HAS1: variants seen among roughly 807,000 people sequenced by gnomAD.
HAS1 encodes HA synthase 1.
A neutral mutation model predicts 35.0 loss-of-function variants in HAS1; 27 were observed. The ratio of observed to expected loss-of-function variants is 0.77; its 90% CI spans 0.57 to 1.06. The LOEUF (loss-of-function observed/expected upper bound fraction) is 1.06. Among genes scored for constraint, HAS1 ranks in the 50% least tolerant of loss-of-function variants. The probability of loss-of-function intolerance (pLI) is 0.00; values close to 1 mark genes in which losing one functional copy is unlikely to be tolerated. For synonymous variants in HAS1, 409 were observed against 371.2 expected (o/e 1.10, Z -1.17); for missense variants, 940 against 814.8 (o/e 1.15, Z -1.87).
At position 51,716,393 on chromosome 19, in the gene HAS1, G is replaced by A. The variant is rs753665436; in HGVS notation, c.926-5C>T. The A allele has an allele frequency of 1.2e-6, 2 of 1,607,670 alleles. No homozygotes were observed. The highest frequency in any genetic ancestry group is 2.2e-5 in the South Asian group (2 of 90,364). On this transcript the variant is annotated splice_polypyrimidine_tract_variant and splice_region_variant and intron_variant, in intron 3 of 4. Transcript: ENST00000540069. ...AGAGGTTATTCCTATATAGGCCTGG[G>A]TGGAGGGGAGGTGTGAAAGAGTGTC... is the stretch of plus-strand genomic sequence containing the variant.
At position 51,716,324 on chromosome 19, in the gene HAS1, A is replaced by T; in HGVS notation, c.990T>A (p.Gly330=). ...LEAWYNQKFL[G]THCTFGDDRH... ...GGTCATCCCCAAAAGTACAGTGGGT[A>T]CCCAGGAACTTCTGGTTGTACCAGG... Residue 330 remains glycine (G), a synonymous_variant, in exon 4 of 5, where the codon GGT becomes GGA. Transcript: ENST00000540069. 6.2e-7 allele frequency: 1 copy of T among 1,613,606 alleles called. No individual in the cohort carries two copies. The highest frequency in any genetic ancestry group is 8.5e-7 in the Non-Finnish European group (1 of 1,179,558).
chr19:51,713,875 G>GCAGCA lies in HAS1; in HGVS notation c.1285_1286insTGCTG (p.Ala429ValfsTer53). On this transcript the variant is annotated frameshift_variant, in exon 5 of 5. Coordinates refer to ENST00000540069, the MANE Select transcript of HAS1 (RefSeq NM_001297436.2). LOFTEE classifies it low-confidence loss of function (END_TRUNC). The surrounding 1 kb of genome is among the most constrained non-coding windows in gnomAD (Gnocchi z 4.5). ...CACGCACAGCAGCACCCACAGCAGC[G>GCAGCA]CCCAAGGGCGGCCCGCGTAGAACAG... 1 of 1,606,168 alleles carries GCAGCA rather than the reference G, an allele frequency of 6.2e-7. No individual in the cohort carries two copies. Among genetic ancestry groups the GCAGCA allele is most frequent in the Non-Finnish European group, 8.5e-7 (1 of 1,179,690 alleles).
chr19:51,719,529 G>T lies in HAS1; in HGVS notation c.376C>A (p.Arg126=), dbSNP rs1486189454. 6.5e-7 allele frequency: 1 copy of T among 1,548,152 alleles called. No homozygotes were observed. Among genetic ancestry groups the T allele is most frequent in the African/African-American group, 1.4e-5 (1 of 72,740 alleles). The part of the protein sequence containing the change: ...SARALLYPRA[R]LRVLMVVDGN... ...TCCACCACCATGAGGACGCGCAGCC[G>T]CGCGCGCGGGTACAGCAGGGCGCGG... The change falls in exon 2 of 5, where the codon CGG becomes AGG. Residue 126 remains arginine, a synonymous_variant. Transcript: ENST00000540069.
Position 51,719,293 on chromosome 19 carries a change from G to T in HAS1, c.612C>A (p.Cys204Ter). 1 of 1,611,816 alleles carries T rather than the reference G, an allele frequency of 6.2e-7. No homozygotes were observed. The highest frequency in any genetic ancestry group is 8.5e-7 in the Non-Finnish European group (1 of 1,179,256). ...AVEALVRTRR[C>*]VCVAQRWGGK... The stretch of plus-strand genomic sequence containing the variant: ...CGCCCCAGCGCTGCGCCACGCACAC[G>T]CACCTGCGAGTCCTCACCAGCGCCT... The change falls in exon 2 of 5, where the codon TGC becomes TGA. Residue 204 changes from cysteine (C) to a stop codon, truncating the protein, a stop_gained. Transcript: ENST00000540069. LOFTEE classifies it high-confidence loss of function.
rs1446843667 is a variant in HAS1 at position 51,723,888 on chromosome 19, CA to C, written c.9+36del. The C allele has an allele frequency of 3.4e-6, 4 of 1,161,668 alleles. No individual in the cohort carries two copies. In the African/African-American group the frequency reaches 4.9e-5, roughly 14 times the overall value. The allele number at this position is 1,161,668 out of a possible 1,614,324, so 72.0% of individuals were successfully genotyped here. A position where few individuals can be genotyped will look rare whatever the true frequency, so the allele number is the denominator to read the frequency against. ...AGTTTTCCCCACATGGCTGTATACA[CA>C]CACACACACACACACACACACACAC... On this transcript the variant is annotated intron_variant, in intron 1 of 4. Transcript: ENST00000540069.
Position 51,719,453 on chromosome 19 carries a change from A to C in HAS1, c.452T>G (p.Phe151Cys). The part of the protein sequence containing the change: ...LYMVDMFREV[F>C]ADEDPATYVW... ...GTACGTGGCGGGGTCCTCGTCAGCG[A>C]AGACCTCGCGGAACATGTCGACCAT... Residue 151 changes from phenylalanine (F) to cysteine (C), a missense_variant, in exon 2 of 5, where the codon TTC becomes TGC. Phe to Cys is a radical substitution (Grantham distance 205). Transcript: ENST00000540069. 1.3e-6 allele frequency: 2 copies of C among 1,551,858 alleles called. No homozygotes were observed. Among genetic ancestry groups the C allele is most frequent in the Non-Finnish European group, 1.7e-6 (2 of 1,147,096 alleles).
At position 51,713,971 on chromosome 19, in the gene HAS1, TG is replaced by T. The variant is rs1220544787; in HGVS notation, c.1189del (p.His397MetfsTer4). On this transcript the variant is annotated frameshift_variant, in exon 5 of 5. Transcript: ENST00000540069. LOFTEE classifies it low-confidence loss of function (END_TRUNC). The surrounding 1 kb of genome is among the most constrained non-coding windows in gnomAD (Gnocchi z 4.5). ...LYNALWWHRHHAWMTYEAVVS... is the reference protein window; with the variant it reads ...LYNALWWHRHXAWMTYEAVVS... Reference sequence around the variant, plus strand: ...CACCGCCTCGTAGGTCATCCACGCATGGTGCCGGTGCCACCAGAGCGCGTTG... The same window carrying T: ...CACCGCCTCGTAGGTCATCCACGCATGTGCCGGTGCCACCAGAGCGCGTTG... 6.2e-7 allele frequency: 1 copy of T among 1,613,234 alleles called. No homozygotes were observed. Among genetic ancestry groups the T allele is most frequent in the Non-Finnish European group, 8.5e-7 (1 of 1,180,014 alleles).
intron 2 of HAS1, 53 bp from the exon 3 acceptor site, chr19:51,717,246 CTTGAG>C: frequency 2.4e-6 from 3 of 1,264,930 alleles, no homozygotes; most frequent in Non-Finnish European, 3.4e-6. Context: ...CAGGCTGATG[CTTGAG>C]AGGAAGGCAT....
At chr19:51,717,734 C>T (rs557167455) in intron 2 of HAS1, among the ~76,000 whole-genome samples, 3 of 152,216 alleles carry the variant, frequency 2.0e-5, no homozygotes, top group South Asian at 4.1e-4. Context: ...CAAATACATA[C>T]GCTTGAAAGA....
At chr19:51,717,307 T>C (rs2083594399) in intron 2 of HAS1, 114 bp from the exon 3 acceptor site, 1 of 663,110 alleles carries the variant, frequency 1.5e-6, no homozygotes, top group South Asian at 1.8e-5. Flanking sequence ...GATCTGAACA[T>C]AATTTTGAGA....
At position 51,719,856 on chromosome 19, in the gene HAS1, C is replaced by T. The variant is rs1188555928; in HGVS notation, c.49G>A (p.Gly17Ser). 1.9e-6 allele frequency: 3 copies of T among 1,546,540 alleles called. No homozygotes were observed. The highest frequency in any genetic ancestry group is 2.6e-6 in the Non-Finnish European group (3 of 1,149,928). Residue 17 changes from glycine to serine, a missense_variant, in exon 2 of 5, where the codon GGC becomes AGC. Coordinates refer to ENST00000540069, the MANE Select transcript of HAS1 (RefSeq NM_001297436.2). ...ATGGTCAGCACCCTCCGGGCCAGGC[C>T]GGAGCAGCGGCAGGCTGCAGGAGTG... ...KPTPAACRCS[G>S]LARRVLTIAF...
intron 4 of HAS1, among the ~76,000 whole-genome samples, chr19:51,715,352 G>A (rs939278872): frequency 2.0e-5 from 3 of 151,894 alleles, no homozygotes; most frequent in East Asian, 1.9e-4. Context: ...TACTCCCCCA[G>A]TTCAGTGCTC....
intron 3 of HAS1, 75 bp from the exon 4 acceptor site, chr19:51,716,463 C>T: frequency 1.5e-6 from 2 of 1,322,544 alleles, no homozygotes; most frequent in Non-Finnish European, 1.0e-6. Flanking sequence ...GTTTCCAGCC[C>T]CAACCCCATC....
Position 51,719,583 on chromosome 19 carries a change from C to T in HAS1, c.322G>A (p.Ala108Thr), listed in dbSNP as rs906603323. 30 of 1,543,436 alleles carry T rather than the reference C, an allele frequency of 1.9e-5. No individual in the cohort carries two copies. The highest frequency in any genetic ancestry group is 2.4e-5 in the Non-Finnish European group (27 of 1,143,988). Residue 108 changes from alanine to threonine, a missense_variant, in exon 2 of 5, where the codon GCG becomes ACG. Coordinates refer to ENST00000540069, the MANE Select transcript of HAS1 (RefSeq NM_001297436.2). The part of the protein sequence containing the change: ...LTISAYQEDP[A>T]YLRQCLASAR... ...GACGCCAGGCACTGGCGCAGGTACG[C>T]GGGGTCCTCCTGGTAGGCGGAGATG... is the stretch of plus-strand genomic sequence containing the variant.
rs994916835 is a variant in HAS1, at chr19:51,713,898, C to T, written c.1263G>A (p.Leu421=). The part of the protein sequence containing the change: ...PFFVAATVLR[L]FYAGRPWALL... Reference sequence around the variant, plus strand: ...GCGCCCAAGGGCGGCCCGCGTAGAACAGACGCAGCACAGTGGCCGCCACGA... The same window carrying T: ...GCGCCCAAGGGCGGCCCGCGTAGAATAGACGCAGCACAGTGGCCGCCACGA... Residue 421 remains leucine (L), a synonymous_variant, in exon 5 of 5, where the codon CTG becomes CTA. Coordinates refer to ENST00000540069, the MANE Select transcript of HAS1 (RefSeq NM_001297436.2). The surrounding 1 kb of genome is among the most constrained non-coding windows in gnomAD (Gnocchi z 4.5). The T allele has an allele frequency of 1.2e-6, 2 of 1,606,968 alleles. No individual in the cohort carries two copies. Among genetic ancestry groups the T allele is most frequent in the South Asian group, 2.2e-5 (2 of 91,086 alleles).
chr19:51,723,654 C>T (rs950182605), intron 1 of HAS1, among the ~76,000 whole-genome samples: 2 of 152,168 alleles, frequency 1.3e-5, no homozygotes, highest in South Asian at 4.1e-4. Context: ...TAGCAAGATA[C>T]GCAGATACAG....
At chr19:51,723,803 T>C in intron 1 of HAS1, 122 bp downstream of exon 1, 2 of 949,720 alleles carry the variant, frequency 2.1e-6, no homozygotes, top group Non-Finnish European at 1.6e-6. Context: ...GGCACATGGA[T>C]ACACACATGA....
In HAS1 at chr19:51,723,911, AC is replaced by A; in HGVS notation, c.9+13del. On this transcript the variant is annotated intron_variant, in intron 1 of 4. Transcript: ENST00000540069. ...CACACACACACACACACACACACAC[AC>A]ACACACACACACCTGTCTCATCGCA... The A allele has an allele frequency of 6.6e-7, 1 of 1,523,270 alleles. No individual in the cohort carries two copies. Among genetic ancestry groups the A allele is most frequent in the Non-Finnish European group, 8.8e-7 (1 of 1,137,276 alleles). The allele number at this position is 1,523,270 out of a possible 1,614,324, so 94.4% of individuals were successfully genotyped here. A position where few individuals can be genotyped will look rare whatever the true frequency, so the allele number is the denominator to read the frequency against.
chr19:51,716,516 A>C, intron 3 of HAS1, 128 bp from the exon 4 acceptor site: 15 of 743,562 alleles, frequency 2.0e-5, no homozygotes, highest in Non-Finnish European at 3.0e-5. Flanking sequence ...TCTCAATCTC[A>C]GCACTATCTC....
Sources: allele counts gnomAD v4.1 joint callset (sites outside exome capture counted in the v4.1 genomes callset), GRCh38; gene constraint gnomAD v4.1.1; non-coding constraint Gnocchi (gnomAD v3.1); transcripts MANE v1.5; gene names NCBI Gene and HGNC (gene_info 2026-07-23, HGNC 2026-07-21).